TCTN3: variants seen among roughly 807,000 people sequenced by gnomAD.
TCTN3 encodes tectonic-3.
Under a neutral mutation model 71.3 loss-of-function variants are expected in TCTN3, and 57 were observed. The ratio of observed to expected loss-of-function variants is 0.80; its 90% confidence interval spans 0.65 to 1.00. The LOEUF is 1.00. Ranked by LOEUF, TCTN3 falls within the 50% of genes least tolerant of loss-of-function variation. The pLI is 0.00. For synonymous variants in TCTN3, 258 were observed against 267.8 expected (o/e 0.96, Z 0.36); for missense variants, 696 against 719.9 (o/e 0.97, Z 0.38).
chr10:95,688,388 CAAAAAAAAGAA>C (rs2097950500), intron 3 of TCTN3, among the ~76,000 whole-genome samples: 1 of 43,792 alleles, frequency 2.3e-5, no homozygotes, highest in South Asian at 9.7e-4. Flanking sequence ...GAAACTCTGT[CAAAAAAAAGAA>C]AAAAAAAAAA....
rs759586885 is a variant in TCTN3 at position 95,685,596 on chromosome 10, G to A, written c.929C>T (p.Pro310Leu). Residue 310 changes from proline to leucine, a missense_variant, in exon 8 of 14, where the codon CCT becomes CTT. By Grantham distance (98) the Pro-to-Leu change is moderately conservative (BLOSUM62 -3). Transcript: ENST00000371217. ...CTGACAAGTGTTTCCAGCCAACAGAGGAGCATTAGCCTGTGAGGTAAGTAT... is the reference window on the plus strand; with the variant it reads ...CTGACAAGTGTTTCCAGCCAACAGAAGAGCATTAGCCTGTGAGGTAAGTAT... ...PVILTSQANA[P>L]LLAGNTCQNV... The A allele has an allele frequency of 2.6e-6, 4 of 1,551,494 alleles. No homozygotes were observed. The South Asian group carries it at 3.6e-5, about 14-fold the overall frequency.
chr10:95,687,180 A>C, intron 5 of TCTN3, 21 bp from the exon 6 acceptor site: 1 of 1,612,796 alleles, frequency 6.2e-7, no homozygotes, highest in Non-Finnish European at 8.5e-7. Flanking sequence ...AATAATTAAG[A>C]GAGTGGTAAA....
Position 95,682,669 on chromosome 10 carries a change from G to T in TCTN3, c.1434C>A (p.Asn478Lys), listed in dbSNP as rs765269909. Residue 478 changes from asparagine to lysine, a missense_variant, in exon 12 of 14, where the codon AAC becomes AAA. Asn to Lys is a moderately conservative substitution (Grantham distance 94). Transcript: ENST00000371217. Reference protein sequence around the residue: ...AQKGGWTRILNRHCSISAINC... With the variant: ...AQKGGWTRILKRHCSISAINC... The stretch of plus-strand genomic sequence containing the variant: ...TCCTTACTGAAATGCTGCAGTGCCT[G>T]TTGAGGATCCTGGTCCACCCTCCTT... 1 of 1,613,950 alleles carries T rather than the reference G, an allele frequency of 6.2e-7. No individual in the cohort carries two copies. Among genetic ancestry groups the T allele is most frequent in the Non-Finnish European group, 8.5e-7 (1 of 1,179,940 alleles).
At position 95,680,507 on chromosome 10, in the gene TCTN3, C is replaced by T. The variant is rs1322986782; in HGVS notation, c.1555G>A (p.Gly519Arg). ...TGGCACTGGTATAGGAATCGAACTC[C>T]TGATACATGAGCTTGCGGGTTGGAC... ...LLSNPQAHVS[G>R]VRFLYQCQSI... Residue 519 changes from glycine (G) to arginine (R), a missense_variant, in exon 13 of 14, where the codon GGA becomes AGA. Gly to Arg is a moderately radical substitution (Grantham distance 125, BLOSUM62 -2). Coordinates refer to ENST00000371217, the MANE Select transcript of TCTN3 (RefSeq NM_015631.6). 1 of 1,614,128 alleles carries T rather than the reference C, an allele frequency of 6.2e-7. No homozygotes were observed. Among genetic ancestry groups the T allele is most frequent in the Non-Finnish European group, 8.5e-7 (1 of 1,180,012 alleles).
chr10:95,685,148 A>G (rs1028262405), intron 8 of TCTN3, among the ~76,000 whole-genome samples: 6 of 152,224 alleles, frequency 3.9e-5, no homozygotes, highest in African/African-American at 1.4e-4. Context: ...TCAGAGTTTC[A>G]GATGATACTG....
At chr10:95,686,795 G>A (rs553842454) in intron 6 of TCTN3, among the ~76,000 whole-genome samples, 2 of 152,320 alleles carry the variant, frequency 1.3e-5, no homozygotes, top group South Asian at 4.1e-4. Context: ...TTGGTGAGAT[G>A]GGTGTTTTCC....
chr10:95,691,783 CAAT>C lies in TCTN3; in HGVS notation c.499+1134_499+1136del, dbSNP rs549132151. Among the ~76,000 whole-genome samples the C allele has an allele frequency of 1.2e-3, 184 of 152,286 alleles. 1 individual carries two copies. The highest frequency in any genetic ancestry group is 2.3e-3 in the Non-Finnish European group (155 of 68,010). ...AATTTCTAAGTCCACTAACCATCCC[CAAT>C]AATAATAACCTCTAATCTTTATTGT... On this transcript the variant is annotated intron_variant, in intron 3 of 13. Transcript: ENST00000371217.
In TCTN3 at chr10:95,684,593, A is replaced by G; in HGVS notation, c.1001T>C (p.Phe334Ser). 1 of 1,614,088 alleles carries G rather than the reference A, an allele frequency of 6.2e-7. No homozygotes were observed. Among genetic ancestry groups the G allele is most frequent in the Admixed American group, 1.7e-5 (1 of 60,036 alleles). ...VTYEIETNGT[F>S]GIQKVSVSLG... Reference sequence around the variant, plus strand: ...ACTGACAGAAACTTTCTGGATTCCAAAAGTCCCATTGGTCTCTATCTCATA... The same window carrying G: ...ACTGACAGAAACTTTCTGGATTCCAGAAGTCCCATTGGTCTCTATCTCATA... The change falls in exon 9 of 14, where the codon TTT becomes TCT. Residue 334 changes from phenylalanine to serine, a missense_variant. Coordinates refer to ENST00000371217, the MANE Select transcript of TCTN3 (RefSeq NM_015631.6).
intron 13 of TCTN3, among the ~76,000 whole-genome samples, chr10:95,679,134 C>T (rs930945237): frequency 3.9e-5 from 6 of 152,054 alleles, no homozygotes; most frequent in African/African-American, 1.4e-4. Flanking sequence ...GGTTTTGTAG[C>T]GGGGACAAAC....
intron 8 of TCTN3, among the ~76,000 whole-genome samples, chr10:95,684,833 T>C (rs1262320568): frequency 4.6e-5 from 7 of 152,136 alleles, no homozygotes; most frequent in African/African-American, 1.7e-4. Flanking sequence ...ATAGAGCTCT[T>C]TAAAAGGGTT....
intron 13 of TCTN3, among the ~76,000 whole-genome samples, chr10:95,667,451 A>T (rs1263071497): frequency 6.6e-6 from 1 of 152,182 alleles, no homozygotes; most frequent in Non-Finnish European, 1.5e-5. Context: ...ATACAAGCAG[A>T]TTTTCTCTGT....
intron 3 of TCTN3, among the ~76,000 whole-genome samples, chr10:95,688,582 T>TCAACTGACAAGTCCTAACAA (rs1385084146): frequency 5.3e-5 from 8 of 152,212 alleles, no homozygotes; most frequent in Non-Finnish European, 1.2e-4. Flanking sequence ...CCTCTACACT[T>TCAACTGACAAGTCCTAACAA]CAACTGACAA....
chr10:95,693,767 C>T lies in TCTN3; in HGVS notation c.133G>A (p.Gly45Arg). 2 of 1,551,610 alleles carry T rather than the reference C, an allele frequency of 1.3e-6. No homozygotes were observed. Among genetic ancestry groups the T allele is most frequent in the Non-Finnish European group, 8.7e-7 (1 of 1,146,990 alleles). The change falls in exon 1 of 14, where the codon GGA becomes AGA. Residue 45 changes from glycine to arginine, a missense_variant. Coordinates refer to ENST00000371217, the MANE Select transcript of TCTN3 (RefSeq NM_015631.6). The part of the protein sequence containing the change: ...SLELQRGTDG[G>R]TLQSPSEATA... ...GCCTCTGAAGGGGACTGGAGGGTTC[C>T]GCCATCCGTCCCTCGCTGCAGCTCC...
chr10:95,684,998 G>T (rs535659164), intron 8 of TCTN3, among the ~76,000 whole-genome samples: 1 of 152,332 alleles, frequency 6.6e-6, no homozygotes, highest in African/African-American at 2.4e-5. Context: ...AAAGATCATT[G>T]CTGGGGATAC....
Position 95,693,659 on chromosome 10 carries a change from C to T in TCTN3, c.241G>A (p.Val81Met). 6.4e-7 allele frequency: 1 copy of T among 1,551,476 alleles called. No homozygotes were observed. Among genetic ancestry groups the T allele is most frequent in the Non-Finnish European group, 8.7e-7 (1 of 1,146,928 alleles). Reference sequence around the variant, plus strand: ...TTTCCCTCACCTGGGAAGAGGTCCACAGTCCTATTCCCAGGGGCCGAGGGA... The same window carrying T: ...TTTCCCTCACCTGGGAAGAGGTCCATAGTCCTATTCCCAGGGGCCGAGGGA... Reference protein sequence around the residue: ...VTPSAPGNRTVDLFPVLPICV... With the variant: ...VTPSAPGNRTMDLFPVLPICV... Residue 81 changes from valine to methionine, a missense_variant, in exon 1 of 14, where the codon GTG (valine) becomes ATG (methionine). Physicochemically the swap from Val to Met is conservative, Grantham distance 21. Transcript: ENST00000371217.
At chr10:95,686,797 G>C (rs573995078) in intron 6 of TCTN3, among the ~76,000 whole-genome samples, 1 of 152,288 alleles carries the variant, frequency 6.6e-6, no homozygotes, top group East Asian at 1.9e-4. Flanking sequence ...GGTGAGATGG[G>C]TGTTTTCCCC....
In TCTN3 at chr10:95,687,737, AG is replaced by A; in HGVS notation, c.500-19del. Reference sequence around the variant, plus strand: ...TAAGTTTGCTAAAATGTTTTTTAAAAGAAAAAGCGTTTAGATAAAAGAAAAA... The same window carrying A: ...TAAGTTTGCTAAAATGTTTTTTAAAAAAAAAGCGTTTAGATAAAAGAAAAA... On this transcript the variant is annotated intron_variant, in intron 3 of 13. Transcript: ENST00000371217. The A allele has an allele frequency of 2.5e-6, 4 of 1,597,596 alleles. No homozygotes were observed. The highest frequency in any genetic ancestry group is 3.4e-6 in the Non-Finnish European group (4 of 1,175,974).
Position 95,687,163 on chromosome 10 carries a change from A to C in TCTN3, c.737-4T>G. 6.2e-7 allele frequency: 1 copy of C among 1,613,526 alleles called. No homozygotes were observed. Among genetic ancestry groups the C allele is most frequent in the East Asian group, 2.2e-5 (1 of 44,880 alleles). ...GTACTTTTACTCTCTAGGAAACCTTAAACACAAATAATTAAGAGAGTGGTA... is the reference window on the plus strand; with the variant it reads ...GTACTTTTACTCTCTAGGAAACCTTCAACACAAATAATTAAGAGAGTGGTA... On this transcript the variant is annotated splice_region_variant and splice_polypyrimidine_tract_variant and intron_variant, in intron 5 of 13. Transcript: ENST00000371217.
chr10:95,664,095 A>C lies in TCTN3; in HGVS notation c.1796T>G (p.Leu599Arg), dbSNP rs1291662541. ...SPILILCLLL[L>R]GVLNLETM The stretch of plus-strand genomic sequence containing the variant: ...CATAGTCTCTAGGTTGAGAACTCCA[A>C]GTAGTAAGAGGCACAGGATAAGGAT... The change falls in exon 14 of 14, where the codon CTT becomes CGT. Residue 599 changes from leucine (L) to arginine (R), a missense_variant. Transcript: ENST00000371217. The C allele has an allele frequency of 5.6e-6, 9 of 1,614,152 alleles. No homozygotes were observed. Among genetic ancestry groups the C allele is most frequent in the Non-Finnish European group, 7.6e-6 (9 of 1,180,016 alleles).
Sources: allele counts gnomAD v4.1 joint callset (sites outside exome capture counted in the v4.1 genomes callset), GRCh38; gene constraint gnomAD v4.1.1; transcripts MANE v1.5; gene names NCBI Gene and HGNC (gene_info 2026-07-23, HGNC 2026-07-21).